The following CCDC83 variants were observed in gnomAD, a reference collection of about 807,000 sequenced individuals.
The protein encoded by CCDC83 is coiled-coil domain containing 83, also known as coiled-coil domain-containing protein 83.
Under a neutral mutation model 50.1 loss-of-function variants are expected in CCDC83, and 54 were observed. The observed-to-expected ratio is 1.08, with a 90% CI of 0.87 to 1.35. The LOEUF (loss-of-function observed/expected upper bound fraction) is 1.35, where lower values mean the gene tolerates loss of function less well. Among genes scored for constraint, CCDC83 ranks in the 40% most tolerant of loss-of-function variants. The pLI is 0.00. For synonymous variants in CCDC83, 161 were observed against 153.3 expected, an observed-to-expected ratio of 1.05 and a Z score of -0.37; for missense variants, 518 against 473.9, an observed-to-expected ratio of 1.09 and a Z score of -0.86.
chr11:85,919,754 T>C lies in CCDC83; in HGVS notation c.*244T>C. The C allele has an allele frequency of 2.5e-6, 1 of 394,158 alleles. No individual in the cohort carries two copies. Among genetic ancestry groups the C allele is most frequent in the East Asian group, 5.1e-5 (1 of 19,464 alleles). The allele number at this position is 394,158 out of a possible 1,614,324, so 24.4% of individuals were successfully genotyped here. A position where few individuals can be genotyped will look rare whatever the true frequency, so the allele number is the denominator to read the frequency against. ...AAGTATTCAGAAGCATGACAGTGGG[T>C]TCAAGGTAGTCTCTGAGGTTCCTTT... On this transcript the variant is annotated 3_prime_UTR_variant, in exon 11 of 11. Transcript: ENST00000342404.
chr11:85,861,815 C>G (rs2093177517), intron 1 of CCDC83, among the ~76,000 whole-genome samples: 1 of 151,602 alleles, frequency 6.6e-6, no homozygotes, highest in South Asian at 2.1e-4. Context: ...TCAAGACCAT[C>G]CTGAGAAACA....
At chr11:85,892,642 C>A (rs1320822998) in intron 5 of CCDC83, among the ~76,000 whole-genome samples, 1 of 152,130 alleles carries the variant, frequency 6.6e-6, no homozygotes, top group Non-Finnish European at 1.5e-5. Flanking sequence ...TTTATGGTTT[C>A]TTTTAGATGC....
intron 10 of CCDC83, chr11:85,918,060 TA>T: frequency 6.6e-6 from 1 of 152,256 alleles, no homozygotes; most frequent in East Asian, 1.9e-4. Context: ...TTTTGAAAGC[TA>T]AATAGAATTA....
chr11:85,901,145 T>A (rs185952420), intron 7 of CCDC83, among the ~76,000 whole-genome samples: 4 of 152,046 alleles, frequency 2.6e-5, no homozygotes, highest in Admixed American at 2.6e-4. Context: ...TGCAGGCAGA[T>A]CACTTGAGTG....
intron 10 of CCDC83, 42 bp from the exon 11 acceptor site, chr11:85,919,307 T>A (rs1234141471): frequency 1.3e-6 from 2 of 1,535,108 alleles, no homozygotes; most frequent in Non-Finnish European, 1.8e-6. Context: ...GGTAATTTGC[T>A]GAATCACCTC....
intron 7 of CCDC83, among the ~76,000 whole-genome samples, chr11:85,904,501 C>T (rs2093416514): frequency 6.6e-6 from 1 of 152,188 alleles, no homozygotes; most frequent in African/African-American, 2.4e-5. Flanking sequence ...TGATTCAATG[C>T]CATCTATAAA....
rs763768421 is a variant in CCDC83, at chr11:85,905,886, G to A, written c.673-5395G>A. Among the ~76,000 whole-genome samples the A allele has an allele frequency of 5.9e-4, 84 of 141,356 alleles. 1 individual carries two copies. Among genetic ancestry groups the A allele is most frequent in the Non-Finnish European group, 9.2e-4 (60 of 65,302 alleles). 92.7% of individuals were successfully genotyped at this position (141,356 alleles called of 152,430 possible). On this transcript the variant is annotated intron_variant, in intron 7 of 10. Coordinates refer to ENST00000342404, the MANE Select transcript of CCDC83 (RefSeq NM_001286159.2). ...CAGTAGGCTGAGGCAGGAGAATGTCGTGATCCCGGGAGGTGGAGCTTGCAG... is the reference window on the plus strand; with the variant it reads ...CAGTAGGCTGAGGCAGGAGAATGTCATGATCCCGGGAGGTGGAGCTTGCAG...
intron 8 of CCDC83, chr11:85,912,676 C>A (rs111411748): frequency 6.2e-7 from 1 of 1,611,070 alleles, no homozygotes; most frequent in African/African-American, 1.3e-5. Flanking sequence ...CCTGTCCCAC[C>A]TCTAATCCTC....
chr11:85,860,339 A>AAC (rs1191025119), intron 1 of CCDC83, among the ~76,000 whole-genome samples: 1 of 151,826 alleles, frequency 6.6e-6, no homozygotes, highest in East Asian at 1.9e-4. Flanking sequence ...AAAGAACATG[A>AAC]ACAGATACTT....
rs554363736 is a variant in CCDC83, at chr11:85,883,012, G to A, written c.343+337G>A. ...AGCTTACTGCAATCTTAACCTCCTG[G>A]GCTCATGCAGTCCTCCCACCTCAGC... On this transcript the variant is annotated intron_variant, in intron 4 of 10. Transcript: ENST00000342404. Among the ~76,000 whole-genome samples the A allele has an allele frequency of 3.3e-5, 5 of 152,256 alleles. No homozygotes were observed. In the South Asian group the frequency reaches 1.0e-3, roughly 32 times the overall value.
rs2093477619 is a variant in CCDC83 at position 85,916,453 on chromosome 11, G to A, written c.1080+220G>A. 20 of 484,324 alleles carry A rather than the reference G, an allele frequency of 4.1e-5. No individual in the cohort carries two copies. In the South Asian group the frequency reaches 4.4e-4, roughly 11 times the overall value. The allele number at this position is 484,324 out of a possible 1,614,324, so 30.0% of individuals were successfully genotyped here. On this transcript the variant is annotated intron_variant, in intron 10 of 10. Transcript: ENST00000342404. ...ATTCCTCTATAGGCCTCCATTAATA[G>A]TATACAAAGTAAGTTATCTAATGCT...
chr11:85,911,432 T>C, intron 8 of CCDC83, 30 bp downstream of exon 8: 2 of 1,505,588 alleles, frequency 1.3e-6, no homozygotes, highest in Non-Finnish European at 1.8e-6. Flanking sequence ...AGAGAGTATT[T>C]TGTAAACATT....
intron 7 of CCDC83, among the ~76,000 whole-genome samples, chr11:85,904,764 A>G (rs2093417513): frequency 6.6e-6 from 1 of 152,042 alleles, no homozygotes; most frequent in Non-Finnish European, 1.5e-5. Context: ...CCTTTTTACC[A>G]TCTGCCCAGA....
At chr11:85,904,986 T>C (rs1416393323) in intron 7 of CCDC83, among the ~76,000 whole-genome samples, 1 of 152,202 alleles carries the variant, frequency 6.6e-6, no homozygotes, top group Non-Finnish European at 1.5e-5. Context: ...ATTCACAATT[T>C]TTAAAAAGGT....
At chr11:85,864,153 T>C (rs1400578388) in intron 1 of CCDC83, among the ~76,000 whole-genome samples, 1 of 152,228 alleles carries the variant, frequency 6.6e-6, no homozygotes, top group Non-Finnish European at 1.5e-5. Flanking sequence ...ATTTATTGTG[T>C]GTCTATTGTG....
chr11:85,919,700 AC>A lies in CCDC83; in HGVS notation c.*191del. The A allele has an allele frequency of 3.7e-6, 2 of 542,608 alleles. No homozygotes were observed. Among genetic ancestry groups the A allele is most frequent in the Non-Finnish European group, 6.5e-6 (2 of 310,024 alleles). 33.6% of individuals were successfully genotyped at this position (542,608 alleles called of 1,614,324 possible). A position where few individuals can be genotyped will look rare whatever the true frequency, so the allele number is the denominator to read the frequency against. Reference sequence around the variant, plus strand: ...TACTTGCATGGTATGAGTGACCAAAACGGAAGCACGCTTTGTATTTCTACAC... The same window carrying A: ...TACTTGCATGGTATGAGTGACCAAAAGGAAGCACGCTTTGTATTTCTACAC... On this transcript the variant is annotated 3_prime_UTR_variant, in exon 11 of 11. Transcript: ENST00000342404.
At chr11:85,905,683 G>T (rs1376647619) in intron 7 of CCDC83, among the ~76,000 whole-genome samples, 1 of 151,246 alleles carries the variant, frequency 6.6e-6, no homozygotes, top group African/African-American at 2.4e-5. Flanking sequence ...AAGAATATTA[G>T]GGAGGGCCAG....
chr11:85,871,174 C>CAAAA (rs749893502), intron 2 of CCDC83, among the ~76,000 whole-genome samples: 1 of 151,888 alleles, frequency 6.6e-6, no homozygotes, highest in African/African-American at 2.4e-5. Flanking sequence ...TTCAAAAAAA[C>CAAAA]AAACAAACAA....
At chr11:85,918,190 T>A (rs553132523) in intron 10 of CCDC83, among the ~76,000 whole-genome samples, 2 of 152,348 alleles carry the variant, frequency 1.3e-5, no homozygotes, top group Non-Finnish European at 2.9e-5. Flanking sequence ...TGCTTGTGCA[T>A]TTAAGGGAGA....
Sources: allele counts gnomAD v4.1 joint callset (sites outside exome capture counted in the v4.1 genomes callset), GRCh38; gene constraint gnomAD v4.1.1; transcripts MANE v1.5; gene names NCBI Gene and HGNC (gene_info 2026-07-23, HGNC 2026-07-21).